Variants in SGCE observed in about 807,000 individuals in gnomAD.
SGCE encodes the protein epsilon-sarcoglycan.
In SGCE, 26 loss-of-function variants were observed where a neutral mutation model predicts 57.8. That is an observed-to-expected ratio of 0.45 (90% CI 0.33 to 0.62). SGCE has a LOEUF of 0.62. Ranked by LOEUF, SGCE falls within the 20% of genes least tolerant of loss-of-function variation. The pLI, the probability that SGCE is intolerant of heterozygous loss-of-function variation, is 0.02. For synonymous variants in SGCE, 183 were observed against 189.5 expected (o/e 0.97, Z 0.28); for missense variants, 468 against 548.6 (o/e 0.85, Z 1.47).
chr7:94,646,949 A>G (rs926240073), intron 1 of SGCE, among the ~76,000 whole-genome samples: 2 of 152,194 alleles, frequency 1.3e-5, no homozygotes, highest in African/African-American at 4.8e-5. Context: ...CCATCCCACC[A>G]ATGTCACTGC....
At chr7:94,610,762 AG>A (rs2116809780) in intron 5 of SGCE, among the ~76,000 whole-genome samples, 1 of 152,356 alleles carries the variant, frequency 6.6e-6, no homozygotes, top group African/African-American at 2.4e-5. Flanking sequence ...TATTTAATAA[AG>A]GACTTGTATA....
intron 1 of SGCE, among the ~76,000 whole-genome samples, chr7:94,636,282 G>A (rs1805584602): frequency 6.6e-6 from 1 of 152,150 alleles, no homozygotes; most frequent in South Asian, 2.1e-4. Context: ...ATTGAAAAGA[G>A]CTTTATATGT....
intron 1 of SGCE, among the ~76,000 whole-genome samples, chr7:94,643,724 G>T (rs1216178133): frequency 6.6e-6 from 1 of 152,114 alleles, no homozygotes; most frequent in Non-Finnish European, 1.5e-5. Context: ...GGATCCACTT[G>T]ACTAACTTCT....
At chr7:94,619,037 G>T in intron 4 of SGCE, 81 bp from the exon 5 acceptor site, 2 of 983,678 alleles carry the variant, frequency 2.0e-6, no homozygotes, top group Non-Finnish European at 3.3e-6. Flanking sequence ...TTTGCGATTT[G>T]TTGAGTTCTG....
chr7:94,644,824 T>C (rs962166667), intron 1 of SGCE, among the ~76,000 whole-genome samples: 1 of 152,198 alleles, frequency 6.6e-6, no homozygotes, highest in African/African-American at 2.4e-5. Flanking sequence ...ATTCTCCTCA[T>C]TTCTTTTAAA....
chr7:94,628,479 C>G (rs1278280486), intron 2 of SGCE, 120 bp from the exon 3 acceptor site: 1 of 752,258 alleles, frequency 1.3e-6, no homozygotes, highest in Non-Finnish European at 2.2e-6. Flanking sequence ...CAACTAAATA[C>G]ACACATACAA....
intron 5 of SGCE, among the ~76,000 whole-genome samples, chr7:94,615,379 TA>T: frequency 7.4e-6 from 1 of 135,176 alleles, no homozygotes; most frequent in South Asian, 2.5e-4. Context: ...GATAGATAGA[TA>T]GATAGATAGA....
chr7:94,586,884 C>T, intron 10 of SGCE: 2 of 985,178 alleles, frequency 2.0e-6, no homozygotes, highest in Non-Finnish European at 2.4e-6. Context: ...TGGTCTCTCT[C>T]CCTTTGGCAC....
chr7:94,633,541 A>C (rs1428658068), intron 1 of SGCE, among the ~76,000 whole-genome samples: 1 of 152,094 alleles, frequency 6.6e-6, no homozygotes, highest in Non-Finnish European at 1.5e-5. Flanking sequence ...CACAGGGTAT[A>C]GAATCTGCAG....
chr7:94,593,286 T>A (rs1024850831), intron 9 of SGCE, among the ~76,000 whole-genome samples: 1 of 152,034 alleles, frequency 6.6e-6, no homozygotes, highest in African/African-American at 2.4e-5. Context: ...ATGTTTAGAA[T>A]AATGAATAAG....
intron 4 of SGCE, chr7:94,621,863 G>A (rs1156944239): frequency 1.3e-5 from 2 of 152,194 alleles, no homozygotes; most frequent in Non-Finnish European, 2.9e-5. Context: ...AGCCTTTGGG[G>A]AGTGGCAGAG....
At chr7:94,654,322 T>C (rs1179328426) in intron 1 of SGCE, among the ~76,000 whole-genome samples, 2 of 152,236 alleles carry the variant, frequency 1.3e-5, no homozygotes, top group Non-Finnish European at 2.9e-5. Flanking sequence ...TAATTTTTCC[T>C]GCTTTTCATC....
intron 3 of SGCE, chr7:94,624,948 G>A (rs1803450847): frequency 1.3e-5 from 2 of 151,906 alleles, no homozygotes; most frequent in African/African-American, 4.8e-5. Context: ...TTTATTACCT[G>A]ATTTTATAGT....
chr7:94,585,429 A>G lies in SGCE; in HGVS notation c.*70T>C. Reference sequence around the variant, plus strand: ...AGAAAAGCTCATGCATTATTGGAAGAGAAAAGAAATGTGATGTAACTGCTA... The same window carrying G: ...AGAAAAGCTCATGCATTATTGGAAGGGAAAAGAAATGTGATGTAACTGCTA... On this transcript the variant is annotated 3_prime_UTR_variant, in exon 11 of 11. Transcript: ENST00000648936. 1 of 1,425,322 alleles carries G rather than the reference A, an allele frequency of 7.0e-7. No homozygotes were observed. The highest frequency in any genetic ancestry group is 9.9e-7 in the Non-Finnish European group (1 of 1,008,362). 88.3% of individuals were successfully genotyped at this position (1,425,322 alleles called of 1,614,324 possible). A position where few individuals can be genotyped will look rare whatever the true frequency, so the allele number is the denominator to read the frequency against.
intron 1 of SGCE, chr7:94,640,807 C>G (rs995883862): frequency 6.6e-6 from 1 of 152,118 alleles, no homozygotes; most frequent in Non-Finnish European, 1.5e-5. Context: ...ACCACCATGC[C>G]TGGCTAATTT....
At chr7:94,637,020 T>C (rs1805682071) in intron 1 of SGCE, among the ~76,000 whole-genome samples, 1 of 150,788 alleles carries the variant, frequency 6.6e-6, no homozygotes, top group Non-Finnish European at 1.5e-5. Context: ...GATCACACCA[T>C]TGCACTCCAG....
chr7:94,635,738 A>C (rs1355933129), intron 1 of SGCE, among the ~76,000 whole-genome samples: 1 of 152,258 alleles, frequency 6.6e-6, no homozygotes, highest in Non-Finnish European at 1.5e-5. Flanking sequence ...AAGAGAGATC[A>C]ATATCCAGCC....
chr7:94,612,191 G>A (rs896692103), intron 5 of SGCE, among the ~76,000 whole-genome samples: 2 of 152,044 alleles, frequency 1.3e-5, no homozygotes, highest in African/African-American at 4.8e-5. Context: ...CAATTAGTAA[G>A]ATTTTTAATT....
rs769326027 is a variant in SGCE at position 94,623,364 on chromosome 7, C to T, written c.424G>A (p.Ala142Thr). Reference sequence around the variant, plus strand: ...ATATTAATTATCAAATTATGCCTTGCAGTCTCAAAGGTGCGCCTGTTGTAG... The same window carrying T: ...ATATTAATTATCAAATTATGCCTTGTAGTCTCAAAGGTGCGCCTGTTGTAG... ...TAYNRRTFET[A>T]RHNLIINIMS... Residue 142 changes from alanine to threonine, a missense_variant, in exon 4 of 11, where the codon GCA (alanine) becomes ACA (threonine). Coordinates refer to ENST00000648936, the MANE Select transcript of SGCE (RefSeq NM_003919.3). 6 of 1,605,636 alleles carry T rather than the reference C, an allele frequency of 3.7e-6. No individual in the cohort carries two copies. The highest frequency in any genetic ancestry group is 1.1e-5 in the South Asian group (1 of 90,304).
Sources: gnomAD v4.1 joint callset for allele counts (sites outside exome capture counted in the v4.1 genomes callset) on GRCh38, gnomAD v4.1.1 for gene constraint, MANE v1.5 for transcripts, NCBI Gene and HGNC (gene_info 2026-07-23, HGNC 2026-07-21) for gene names.